Variants in TDRD7 observed in about 807,000 individuals in gnomAD.
TDRD7 encodes tudor domain containing 7.
Under a neutral mutation model 109.8 loss-of-function variants are expected in TDRD7, and 47 were observed. That is an observed-to-expected ratio of 0.43 (90% CI 0.34 to 0.55). The LOEUF is 0.55. Ranked by LOEUF, TDRD7 falls within the 20% of genes least tolerant of loss-of-function variation. The probability of loss-of-function intolerance (pLI) is 0.03; values close to 1 mark genes in which losing one functional copy is unlikely to be tolerated. For synonymous variants in TDRD7, 424 were observed against 457.3 expected, an observed-to-expected ratio of 0.93 and a Z score of 0.93; for missense variants, 1,164 against 1,319.2, an observed-to-expected ratio of 0.88 and a Z score of 1.82.
intron 6 of TDRD7, among the ~76,000 whole-genome samples, chr9:97,454,520 G>A: frequency 6.6e-6 from 1 of 152,100 alleles, no homozygotes; most frequent in East Asian, 1.9e-4. Flanking sequence ...TTAGAATTCA[G>A]GATTAAGAAA....
At chr9:97,459,982 T>C (rs895328955) in intron 6 of TDRD7, among the ~76,000 whole-genome samples, 196 bp from the exon 7 acceptor site, 6 of 152,312 alleles carry the variant, frequency 3.9e-5, no homozygotes, top group Middle Eastern at 6.8e-3. Context: ...TTATTTTCCT[T>C]TTTATTTCTG....
chr9:97,442,992 C>T (rs1198705696), intron 6 of TDRD7, among the ~76,000 whole-genome samples: 1 of 152,164 alleles, frequency 6.6e-6, no homozygotes, highest in East Asian at 1.9e-4. Flanking sequence ...GACAGGGTTT[C>T]ACCATGTTGG....
At chr9:97,483,402 AATG>A (rs1829157270) in intron 15 of TDRD7, 51 bp downstream of exon 15, 1 of 1,602,230 alleles carries the variant, frequency 6.2e-7, no homozygotes, top group Non-Finnish European at 8.5e-7. Flanking sequence ...AAATGTGTAA[AATG>A]ATGCCAGAGT....
intron 4 of TDRD7, among the ~76,000 whole-genome samples, chr9:97,434,261 G>C (rs1828156421): frequency 6.6e-6 from 1 of 152,082 alleles, no homozygotes; most frequent in South Asian, 2.1e-4. Flanking sequence ...AATAAGCTGG[G>C]CATAGAAAGA....
rs1216594914 is a variant in TDRD7, at chr9:97,487,142, C to T, written c.2916-30C>T. 3.1e-6 allele frequency: 5 copies of T among 1,613,066 alleles called. No homozygotes were observed. In the African/African-American group the frequency reaches 4.0e-5, roughly 13 times the overall value. ...AGCAGGTACTGAGTTTATGTGTTTT[C>T]TCTTCCTTTTTAATTTAATGTACAT... On this transcript the variant is annotated intron_variant, in intron 15 of 16. Coordinates refer to ENST00000355295, the MANE Select transcript of TDRD7 (RefSeq NM_014290.3).
intron 12 of TDRD7, among the ~76,000 whole-genome samples, chr9:97,477,504 C>T (rs1829043254): frequency 6.6e-6 from 1 of 151,944 alleles, no homozygotes; most frequent in Non-Finnish European, 1.5e-5. Context: ...GCATTTTTGG[C>T]AGAAAGAAGC....
At position 97,428,483 on chromosome 9, in the gene TDRD7, G is replaced by C; in HGVS notation, c.18G>C (p.Leu6=). The change falls in exon 2 of 17, where the codon CTG becomes CTC. Residue 6 remains leucine, a synonymous_variant. Coordinates refer to ENST00000355295, the MANE Select transcript of TDRD7 (RefSeq NM_014290.3). ...AGGCAAAGATGCTGGAAGGAGATCT[G>C]GTTTCAAAGATGCTACGAGCTGTTC... is the stretch of plus-strand genomic sequence containing the variant. The part of the protein sequence containing the change: MLEGD[L]VSKMLRAVLQ... 1 of 1,613,942 alleles carries C rather than the reference G, an allele frequency of 6.2e-7. No homozygotes were observed. Among genetic ancestry groups the C allele is most frequent in the Non-Finnish European group, 8.5e-7 (1 of 1,179,896 alleles).
Position 97,483,213 on chromosome 9 carries a change from A to G in TDRD7, c.2777A>G (p.Tyr926Cys). 2 of 1,613,324 alleles carry G rather than the reference A, an allele frequency of 1.2e-6. No individual in the cohort carries two copies. Among genetic ancestry groups the G allele is most frequent in the East Asian group, 2.2e-5 (1 of 44,868 alleles). Reference sequence around the variant, plus strand: ...GTGCCTGTGGCCTGTCACCCAGGCTACTTCGTCATCCAGCCTTGGCAGGAG... The same window carrying G: ...GTGCCTGTGGCCTGTCACCCAGGCTGCTTCGTCATCCAGCCTTGGCAGGAG... ...VYVPVACHPG[Y>C]FVIQPWQEIH... Residue 926 changes from tyrosine to cysteine, a missense_variant, in exon 15 of 17, where the codon TAC becomes TGC. Transcript: ENST00000355295.
At chr9:97,428,192 C>T (rs1828033944) in intron 1 of TDRD7, among the ~76,000 whole-genome samples, 3 of 152,158 alleles carry the variant, frequency 2.0e-5, no homozygotes, top group Admixed American at 6.5e-5. Flanking sequence ...TCTTGCTCTT[C>T]AGGACTCCAT....
At chr9:97,473,647 C>T (rs762023222) in intron 11 of TDRD7, 21 bp downstream of exon 11, 121 of 1,613,110 alleles carry the variant, frequency 7.5e-5, no homozygotes, top group Non-Finnish European at 9.7e-5. Context: ...ACCTCTTCTA[C>T]CTCTAAAATT....
chr9:97,425,637 C>T (rs1302097188), intron 1 of TDRD7, among the ~76,000 whole-genome samples: 1 of 152,028 alleles, frequency 6.6e-6, no homozygotes, highest in East Asian at 1.9e-4. Flanking sequence ...ACACACACAT[C>T]TGTGAAAAGA....
chr9:97,423,171 A>G lies in TDRD7; in HGVS notation c.-6-5289A>G, dbSNP rs533968692. Among the ~76,000 whole-genome samples the G allele has an allele frequency of 9.8e-5, 15 of 152,290 alleles. 1 individual carries two copies. The highest frequency in any genetic ancestry group is 3.6e-4 in the African/African-American group (15 of 41,570). ...CCGGGCTTCAGGTTTTCTTTGTGTGAAGATTTTTAACTGTAAATTCAAATT... is the reference window on the plus strand; with the variant it reads ...CCGGGCTTCAGGTTTTCTTTGTGTGGAGATTTTTAACTGTAAATTCAAATT... On this transcript the variant is annotated intron_variant, in intron 1 of 16. Coordinates refer to ENST00000355295, the MANE Select transcript of TDRD7 (RefSeq NM_014290.3).
At position 97,471,355 on chromosome 9, in the gene TDRD7, C is replaced by T. The variant is rs143669220; in HGVS notation, c.1741+686C>T. Among the ~76,000 whole-genome samples, 226 of 152,294 alleles carry T rather than the reference C, an allele frequency of 1.5e-3. 1 individual carries two copies. Among genetic ancestry groups the T allele is most frequent in the African/African-American group, 5.2e-3 (218 of 41,560 alleles). On this transcript the variant is annotated intron_variant, in intron 9 of 16. Transcript: ENST00000355295. ...TAGTACTCTGAAGAAATGCCTCCTT[C>T]CCAGTGGGATGAATTCTTATGTCAC...
intron 6 of TDRD7, among the ~76,000 whole-genome samples, chr9:97,443,637 A>G (rs1828350481): frequency 2.0e-5 from 3 of 152,198 alleles, no homozygotes; most frequent in African/African-American, 7.2e-5. Flanking sequence ...GTTCAGTTTG[A>G]AGGTTCAGGG....
intron 8 of TDRD7, among the ~76,000 whole-genome samples, chr9:97,468,564 C>T (rs1828857428): frequency 6.6e-6 from 1 of 152,206 alleles, no homozygotes; most frequent in African/African-American, 2.4e-5. Context: ...TTTGGAGAAA[C>T]CCCAGCTACT....
intron 16 of TDRD7, among the ~76,000 whole-genome samples, chr9:97,489,130 G>T (rs540608968): frequency 6.6e-6 from 1 of 152,148 alleles, no homozygotes; most frequent in Non-Finnish European, 1.5e-5. Context: ...TTGAGATGAA[G>T]TATTCTATAG....
chr9:97,487,045 AT>A, intron 15 of TDRD7, 126 bp from the exon 16 acceptor site: 5 of 1,089,438 alleles, frequency 4.6e-6, no homozygotes, highest in Non-Finnish European at 6.7e-6. Context: ...TTTTGAAAAT[AT>A]AGTTTTAAAT....
chr9:97,461,643 G>C (rs972067717), intron 7 of TDRD7, among the ~76,000 whole-genome samples: 8 of 152,214 alleles, frequency 5.3e-5, no homozygotes, highest in Middle Eastern at 3.2e-3. Flanking sequence ...AGAATACGTG[G>C]AAAATATAGA....
intron 15 of TDRD7, 98 bp from the exon 16 acceptor site, chr9:97,487,074 G>A: frequency 3.9e-6 from 5 of 1,277,678 alleles, no homozygotes; most frequent in Non-Finnish European, 5.6e-6. Flanking sequence ...AACATAATTT[G>A]CATTAATTTT....
Sources: allele counts gnomAD v4.1 joint callset (sites outside exome capture counted in the v4.1 genomes callset), GRCh38; gene constraint gnomAD v4.1.1; transcripts MANE v1.5; gene names NCBI Gene and HGNC (gene_info 2026-07-23, HGNC 2026-07-21).